Variants in MYO1D observed in about 807,000 individuals in gnomAD.
MYO1D encodes the protein myosin ID, also known as unconventional myosin-Id.
A neutral mutation model predicts 122.0 loss-of-function variants in MYO1D; 83 were observed. That is an observed-to-expected ratio of 0.68 (90% confidence interval 0.57 to 0.82). The LOEUF is 0.82. Among genes scored for constraint, MYO1D ranks in the 40% least tolerant of loss-of-function variants. The pLI is 0.00. For synonymous variants in MYO1D, 464 were observed against 446.9 expected (o/e 1.04, Z -0.48); for missense variants, 1,157 against 1,269.5 (o/e 0.91, Z 1.35).
At chr17:32,823,347 C>A (rs944022896) in intron 1 of MYO1D, among the ~76,000 whole-genome samples, 7 of 152,172 alleles carry the variant, frequency 4.6e-5, no homozygotes, top group African/African-American at 1.7e-4. Context: ...AACTACTAAC[C>A]TCTGCAGCAT....
chr17:32,738,992 G>A (rs755128863), intron 13 of MYO1D, among the ~76,000 whole-genome samples: 1 of 152,106 alleles, frequency 6.6e-6, no homozygotes, highest in African/African-American at 2.4e-5. Flanking sequence ...TTATTGATGT[G>A]ACATTAGGAC....
chr17:32,745,753 A>C (rs1291457281), intron 12 of MYO1D: 1 of 157,724 alleles, frequency 6.3e-6, no homozygotes, highest in African/African-American at 2.4e-5. Context: ...ACACAGGGAA[A>C]CAGATCAAAT....
At chr17:32,646,548 A>G (rs1244521909) in intron 19 of MYO1D, among the ~76,000 whole-genome samples, 1 of 152,146 alleles carries the variant, frequency 6.6e-6, no homozygotes, top group African/African-American at 2.4e-5. Flanking sequence ...GTGTAGGGCA[A>G]AAGAATATGA....
intron 21 of MYO1D, among the ~76,000 whole-genome samples, chr17:32,550,265 A>G (rs887622305): frequency 6.6e-6 from 1 of 152,002 alleles, no homozygotes; most frequent in Admixed American, 6.6e-5. Context: ...ATGGCCGGCT[A>G]ATTTTTGTAT....
intron 11 of MYO1D, among the ~76,000 whole-genome samples, chr17:32,754,991 G>T (rs1358829078): frequency 2.6e-5 from 4 of 152,132 alleles, no homozygotes; most frequent in African/African-American, 9.7e-5. Flanking sequence ...TAATGAATAA[G>T]TTTCTCTGTA....
rs755189217 is a variant in MYO1D at position 32,811,616 on chromosome 17, C to CTTTTTT, written c.96-30838_96-30833dup. On this transcript the variant is annotated intron_variant, in intron 1 of 21. Coordinates refer to ENST00000318217, the MANE Select transcript of MYO1D (RefSeq NM_015194.3). ...ACATTTATCTCCCAACCCTCACCCT[C>CTTTTTT]TTTTTTTTTTTTTTTTTTTTTTTTT... Among the ~76,000 whole-genome samples, 4 of 57,502 alleles carry CTTTTTT rather than the reference C, an allele frequency of 7.0e-5. 1 individual carries two copies. Among genetic ancestry groups the CTTTTTT allele is most frequent in the Admixed American group, 2.3e-4 (1 of 4,324 alleles). 37.7% of individuals were successfully genotyped at this position (57,502 alleles called of 152,430 possible).
At chr17:32,609,760 G>T (rs2087675991) in intron 20 of MYO1D, among the ~76,000 whole-genome samples, 1 of 152,092 alleles carries the variant, frequency 6.6e-6, no homozygotes, top group African/African-American at 2.4e-5. Context: ...GAATGCCAGG[G>T]TCAGGGCTTA....
intron 1 of MYO1D, among the ~76,000 whole-genome samples, chr17:32,862,708 C>CA (rs149959366): frequency 0.051 from 7,794 of 152,246 alleles, 620 homozygotes; most frequent in African/African-American, 0.17. Flanking sequence ...GTGTGATTAT[C>CA]AACGATTAAA....
intron 3 of MYO1D, among the ~76,000 whole-genome samples, chr17:32,777,273 A>G (rs2090182439): frequency 6.6e-6 from 1 of 152,220 alleles, no homozygotes; most frequent in Admixed American, 6.5e-5. Context: ...GCAGCCCAAT[A>G]TGATGAAAAG....
At position 32,659,234 on chromosome 17, in the gene MYO1D, C is replaced by G; in HGVS notation, c.2226G>C (p.Glu742Asp). ...RRYKVKSYIH[E>D]VARRFHGVKT... Reference sequence around the variant, plus strand: ...TGACGCCATGGAAGCGTCTGGCCACCTCGTGGATGTACGACTTCACTTTGT... The same window carrying G: ...TGACGCCATGGAAGCGTCTGGCCACGTCGTGGATGTACGACTTCACTTTGT... The change falls in exon 17 of 22, where the codon GAG becomes GAC. Residue 742 changes from glutamate (E) to aspartate (D), a missense_variant. Coordinates refer to ENST00000318217, the MANE Select transcript of MYO1D (RefSeq NM_015194.3). The G allele has an allele frequency of 6.2e-7, 1 of 1,614,234 alleles. No individual in the cohort carries two copies. The highest frequency in any genetic ancestry group is 1.3e-5 in the African/African-American group (1 of 75,064).
At chr17:32,686,708 A>C (rs910201923) in intron 16 of MYO1D, among the ~76,000 whole-genome samples, 2 of 152,122 alleles carry the variant, frequency 1.3e-5, no homozygotes, top group African/African-American at 4.8e-5. Context: ...TGTACAAAAA[A>C]TAAAAACAAT....
intron 21 of MYO1D, among the ~76,000 whole-genome samples, chr17:32,578,595 T>G (rs745644190): frequency 2.2e-4 from 34 of 152,256 alleles, no homozygotes; most frequent in Admixed American, 2.2e-3. Flanking sequence ...GATAATACTC[T>G]AAAGATCAGA....
At chr17:32,639,389 G>GTA (rs2088158895) in intron 19 of MYO1D, among the ~76,000 whole-genome samples, 1 of 150,346 alleles carries the variant, frequency 6.7e-6, no homozygotes, top group Non-Finnish European at 1.5e-5. Flanking sequence ...GTGTGTGTGT[G>GTA]TGTGTGTGTG....
intron 20 of MYO1D, among the ~76,000 whole-genome samples, chr17:32,608,791 A>G (rs1195401848): frequency 6.6e-6 from 1 of 152,252 alleles, no homozygotes; most frequent in Non-Finnish European, 1.5e-5. Context: ...ACTGTGGTAC[A>G]TTTAAATAAT....
intron 21 of MYO1D, among the ~76,000 whole-genome samples, chr17:32,527,007 T>C (rs545746241): frequency 2.0e-5 from 3 of 152,348 alleles, no homozygotes; most frequent in East Asian, 1.9e-4. Context: ...CCTAAGCAGA[T>C]AGGAACTAAC....
At chr17:32,517,874 G>T (rs375229428) in intron 21 of MYO1D, among the ~76,000 whole-genome samples, 2 of 152,248 alleles carry the variant, frequency 1.3e-5, no homozygotes, top group Non-Finnish European at 2.9e-5. Flanking sequence ...GTGAAGGAGC[G>T]GCTGAGCCCC....
chr17:32,525,657 C>A (rs1406461025), intron 21 of MYO1D, among the ~76,000 whole-genome samples: 1 of 152,286 alleles, frequency 6.6e-6, no homozygotes, highest in East Asian at 1.9e-4. Context: ...GGACCCAACT[C>A]TCTCTGCCCC....
intron 20 of MYO1D, among the ~76,000 whole-genome samples, chr17:32,615,916 T>TA (rs2087763780): frequency 1.3e-5 from 2 of 152,188 alleles, no homozygotes; most frequent in Non-Finnish European, 2.9e-5. Flanking sequence ...TATAAATTGA[T>TA]ACACAGTGAA....
intron 1 of MYO1D, among the ~76,000 whole-genome samples, chr17:32,839,220 G>A (rs887453366): frequency 5.9e-5 from 9 of 152,190 alleles, no homozygotes; most frequent in Non-Finnish European, 1.2e-4. Flanking sequence ...AGCTGTTGGA[G>A]AGAACTATAT....
Sources: gnomAD v4.1 joint callset for allele counts (sites outside exome capture counted in the v4.1 genomes callset) on GRCh38, gnomAD v4.1.1 for gene constraint, MANE v1.5 for transcripts, NCBI Gene and HGNC (gene_info 2026-07-23, HGNC 2026-07-21) for gene names.